Variants in RBFOX1 observed in about 807,000 individuals in gnomAD.
The protein encoded by RBFOX1 is RNA binding protein fox-1 homolog 1.
In RBFOX1, 8 loss-of-function variants were observed where a neutral mutation model predicts 57.7. That is an observed-to-expected ratio of 0.14 (90% CI 0.08 to 0.25). The LOEUF is 0.25. RBFOX1 is among the 10% of genes least tolerant of loss of function. The pLI, the probability that RBFOX1 is intolerant of heterozygous loss-of-function variation, is 1.00. For synonymous variants in RBFOX1, 326 were observed against 222.4 expected (o/e 1.47, Z -4.15); for missense variants, 611 against 548.5 (o/e 1.11, Z -1.14).
chr16:6,584,876 A>G (rs1343324563), intron 2 of RBFOX1, among the ~76,000 whole-genome samples: 1 of 152,136 alleles, frequency 6.6e-6, no homozygotes, highest in Non-Finnish European at 1.5e-5. Context: ...AAAAAATGAG[A>G]TGTCTGGTCA....
At position 7,095,181 on chromosome 16, in the gene RBFOX1, C is replaced by T. The variant is rs113436392; in HGVS notation, c.27+43083C>T. Among the ~76,000 whole-genome samples the T allele has an allele frequency of 2.3e-3, 351 of 152,116 alleles. 5 individuals are homozygous for T. In the East Asian group the frequency reaches 0.025, roughly 11 times the overall value. On this transcript the variant is annotated intron_variant, in intron 4 of 15. Transcript: ENST00000550418. ...GGCTGGAGTTTCACTCTGTCGCCCA[C>T]GCTGGAGTGCAGTGGCACGATCTCA...
chr16:6,676,826 C>A (rs769390878), intron 3 of RBFOX1, among the ~76,000 whole-genome samples: 1 of 151,838 alleles, frequency 6.6e-6, no homozygotes, highest in Non-Finnish European at 1.5e-5. Flanking sequence ...CAGGCACCCG[C>A]CACCACTCCC....
chr16:5,636,223 C>G (rs1272183840), intron 3 of RBFOX1, among the ~76,000 whole-genome samples: 1 of 152,144 alleles, frequency 6.6e-6, no homozygotes, highest in East Asian at 1.9e-4. Context: ...TAGCAGATGC[C>G]TGTAGTCCCA....
At chr16:7,220,688 C>A (rs1247124532) in intron 4 of RBFOX1, among the ~76,000 whole-genome samples, 1 of 152,174 alleles carries the variant, frequency 6.6e-6, no homozygotes, top group Non-Finnish European at 1.5e-5. Context: ...CAGTATTTCT[C>A]TGATTGTGAT....
chr16:5,545,261 A>T (rs2045144549), intron 2 of RBFOX1, among the ~76,000 whole-genome samples: 1 of 151,360 alleles, frequency 6.6e-6, no homozygotes, highest in South Asian at 2.1e-4. Flanking sequence ...TACAGCTGTG[A>T]GCACGCCCTG....
At chr16:7,376,709 G>A (rs1017300436) in intron 4 of RBFOX1, among the ~76,000 whole-genome samples, 1 of 152,122 alleles carries the variant, frequency 6.6e-6, no homozygotes, top group Non-Finnish European at 1.5e-5. Flanking sequence ...TTTTTCCAAA[G>A]TACAAGTATA....
chr16:5,999,179 C>T (rs556244389), intron 4 of RBFOX1, among the ~76,000 whole-genome samples: 1 of 152,170 alleles, frequency 6.6e-6, no homozygotes, highest in Non-Finnish European at 1.5e-5. Flanking sequence ...GCATGCCCAG[C>T]CTCCTGCCAA....
At chr16:6,992,632 G>C (rs893280920) in intron 3 of RBFOX1, among the ~76,000 whole-genome samples, 1 of 152,000 alleles carries the variant, frequency 6.6e-6, no homozygotes, top group Admixed American at 6.6e-5. Context: ...AGGTAAGAAG[G>C]CAGTTAAGGA....
At chr16:5,476,454 C>A (rs1316945579) in intron 2 of RBFOX1, among the ~76,000 whole-genome samples, 1 of 152,188 alleles carries the variant, frequency 6.6e-6, no homozygotes, top group Non-Finnish European at 1.5e-5. Context: ...ACTTAATTGA[C>A]ATAGTTTTAA....
intron 1 of RBFOX1, among the ~76,000 whole-genome samples, chr16:6,163,442 T>C (rs764949203): frequency 2.0e-5 from 3 of 152,236 alleles, no homozygotes; most frequent in Non-Finnish European, 2.9e-5. Context: ...GTTATAGCCC[T>C]TGGTTATGCT....
chr16:6,331,178 C>T (rs1281988454), intron 2 of RBFOX1, among the ~76,000 whole-genome samples: 2 of 152,144 alleles, frequency 1.3e-5, no homozygotes, highest in African/African-American at 4.8e-5. Flanking sequence ...GGGCCGGGCC[C>T]AGTGGTTCAC....
At chr16:7,540,724 A>G (rs896619964) in intron 5 of RBFOX1, among the ~76,000 whole-genome samples, 5 of 152,212 alleles carry the variant, frequency 3.3e-5, no homozygotes, top group South Asian at 4.1e-4. Context: ...AAGGAGATCA[A>G]TAATTAAACA....
chr16:6,289,228 G>C (rs150014753), intron 1 of RBFOX1, among the ~76,000 whole-genome samples: 1 of 152,080 alleles, frequency 6.6e-6, no homozygotes, highest in Non-Finnish European at 1.5e-5. Flanking sequence ...AGAGGTATTC[G>C]TTCCTTGACA....
intron 3 of RBFOX1, among the ~76,000 whole-genome samples, chr16:6,685,647 A>G (rs915994949): frequency 9.9e-5 from 15 of 152,058 alleles, no homozygotes; most frequent in Non-Finnish European, 2.1e-4. Flanking sequence ...CTAGTTACAC[A>G]AAAGTCATCC....
intron 3 of RBFOX1, among the ~76,000 whole-genome samples, chr16:6,698,271 TG>T (rs984740132): frequency 2.0e-5 from 3 of 152,276 alleles, no homozygotes. Context: ...ACAGAAGATA[TG>T]GGGGGTAATC....
At chr16:7,279,345 A>T (rs182831763) in intron 4 of RBFOX1, among the ~76,000 whole-genome samples, 2 of 152,006 alleles carry the variant, frequency 1.3e-5, no homozygotes, top group East Asian at 3.9e-4. Context: ...AGTTAATGAT[A>T]TTTTCTGCTT....
At chr16:6,843,358 T>A (rs1236676788) in intron 3 of RBFOX1, among the ~76,000 whole-genome samples, 3 of 151,636 alleles carry the variant, frequency 2.0e-5, no homozygotes, top group South Asian at 2.1e-4. Context: ...AAAAAAAAAA[T>A]TCCTTACTTT....
At chr16:7,013,999 A>T (rs984575185) in intron 3 of RBFOX1, among the ~76,000 whole-genome samples, 7 of 152,206 alleles carry the variant, frequency 4.6e-5, no homozygotes, top group African/African-American at 1.4e-4. Context: ...TATTCTCACT[A>T]AAAGAAGGAA....
At chr16:7,391,292 G>A (rs567616948) in intron 4 of RBFOX1, among the ~76,000 whole-genome samples, 1 of 152,172 alleles carries the variant, frequency 6.6e-6, no homozygotes, top group Admixed American at 6.5e-5. Flanking sequence ...AGAGTTTTTG[G>A]GCATGTGCCC....
Sources: gnomAD v4.1 joint callset for allele counts (sites outside exome capture counted in the v4.1 genomes callset) on GRCh38, gnomAD v4.1.1 for gene constraint, MANE v1.5 for transcripts, NCBI Gene and HGNC (gene_info 2026-07-23, HGNC 2026-07-21) for gene names.